HEMK2: variants seen among roughly 807,000 people sequenced by gnomAD.
The protein encoded by HEMK2 is HemK methyltransferase 2, ETF1 glutamine and histone H4 lysine, also known as methyltransferase HEMK2.
At chr21:28,794,219 C>T in the HEMK2 span, among the ~76,000 whole-genome samples, 1 of 152,112 alleles carries the variant, frequency 6.6e-6, no homozygotes, top group Non-Finnish European at 1.5e-5. Context: ...AGCATAAATA[C>T]TTCACTGTCT....
chr21:28,588,982 C>CAAAA, the HEMK2 span, among the ~76,000 whole-genome samples: 193 of 107,288 alleles, frequency 1.8e-3, 1 homozygote, highest in East Asian at 8.3e-3. Context: ...GACACTGTCT[C>CAAAA]AAAAAAAAAA....
the HEMK2 span, among the ~76,000 whole-genome samples, chr21:28,713,258 A>G: frequency 6.6e-6 from 1 of 152,066 alleles, no homozygotes; most frequent in Non-Finnish European, 1.5e-5. Flanking sequence ...GCCATCACCC[A>G]GTCACAGCCA....
chr21:28,785,685 G>C, the HEMK2 span, among the ~76,000 whole-genome samples: 1 of 152,086 alleles, frequency 6.6e-6, no homozygotes, highest in South Asian at 2.1e-4. Flanking sequence ...GGAGAATAAG[G>C]GGCATTAGAG....
the HEMK2 span, among the ~76,000 whole-genome samples, chr21:28,876,945 T>C: frequency 4.2e-5 from 6 of 143,352 alleles, no homozygotes; most frequent in African/African-American, 1.6e-4. Flanking sequence ...AAACCTTCCT[T>C]ATAAATAAAT....
At chr21:28,654,697 T>G in the HEMK2 span, among the ~76,000 whole-genome samples, 1 of 152,096 alleles carries the variant, frequency 6.6e-6, no homozygotes, top group Non-Finnish European at 1.5e-5. Context: ...CTGAAACAAG[T>G]CAATGAAATC....
chr21:28,792,709 T>C, the HEMK2 span, among the ~76,000 whole-genome samples: 4 of 152,212 alleles, frequency 2.6e-5, no homozygotes, highest in Non-Finnish European at 5.9e-5. Context: ...ATGCTCCGTC[T>C]TGCTTTCTAC....
chr21:28,657,560 T>C, the HEMK2 span, among the ~76,000 whole-genome samples: 1 of 151,992 alleles, frequency 6.6e-6, no homozygotes, highest in African/African-American at 2.4e-5. Context: ...AACAACACCA[T>C]GAAAATTGTA....
the HEMK2 span, among the ~76,000 whole-genome samples, chr21:28,776,989 T>A: frequency 3.9e-5 from 6 of 152,220 alleles, no homozygotes; most frequent in Non-Finnish European, 7.3e-5. Flanking sequence ...AACAATACTT[T>A]ATTCATTCTT....
the HEMK2 span, among the ~76,000 whole-genome samples, chr21:28,739,963 T>C: frequency 0.16 from 24,357 of 152,118 alleles, 2,215 homozygotes; most frequent in East Asian, 0.25. Context: ...ATCTGGAGGA[T>C]TTTTTCCTCT....
At chr21:28,760,225 T>G in the HEMK2 span, among the ~76,000 whole-genome samples, 4 of 152,234 alleles carry the variant, frequency 2.6e-5, no homozygotes, top group South Asian at 8.3e-4. Flanking sequence ...TTTTTGGTGA[T>G]CTCTGAAAGT....
At chr21:28,811,441 GACGC>G in the HEMK2 span, among the ~76,000 whole-genome samples, 2 of 137,490 alleles carry the variant, frequency 1.5e-5, no homozygotes, top group African/African-American at 5.3e-5. Flanking sequence ...GAGAGGGACG[GACGC>G]AGGGAGGGAG....
chr21:28,823,688 C>T, the HEMK2 span, among the ~76,000 whole-genome samples: 297 of 152,230 alleles, frequency 2.0e-3, 4 homozygotes, highest in African/African-American at 7.0e-3. Flanking sequence ...AACTGAGACA[C>T]AGATAAGTTA....
chr21:28,783,454 G>A, the HEMK2 span, among the ~76,000 whole-genome samples: 3 of 152,134 alleles, frequency 2.0e-5, no homozygotes, highest in Non-Finnish European at 4.4e-5. Flanking sequence ...CAAAGTGCTG[G>A]GATTACAGGC....
chr21:28,615,852 TA>T, the HEMK2 span, among the ~76,000 whole-genome samples: 3 of 152,218 alleles, frequency 2.0e-5, no homozygotes, highest in Non-Finnish European at 4.4e-5. Context: ...CTAGATGTTA[TA>T]CAGGAACTAG....
the HEMK2 span, among the ~76,000 whole-genome samples, chr21:28,792,186 G>A: frequency 0.018 from 2,690 of 152,080 alleles, 70 homozygotes; most frequent in African/African-American, 0.061. Context: ...GAAAACTCAC[G>A]AATAATCAAC....
the HEMK2 span, among the ~76,000 whole-genome samples, chr21:28,842,255 T>C: frequency 1.6e-4 from 24 of 152,170 alleles, no homozygotes; most frequent in Non-Finnish European, 2.8e-4. Context: ...TATTTATTCA[T>C]ATAAAATTAT....
the HEMK2 span, among the ~76,000 whole-genome samples, chr21:28,805,668 T>G: frequency 6.6e-6 from 1 of 152,172 alleles, no homozygotes; most frequent in East Asian, 1.9e-4. Context: ...TTAAAAGCTG[T>G]GCTTTTTTTT....
At chr21:28,671,743 T>C in the HEMK2 span, among the ~76,000 whole-genome samples, 2 of 152,180 alleles carry the variant, frequency 1.3e-5, no homozygotes, top group African/African-American at 4.8e-5. Context: ...ACACCCTTAG[T>C]CACTAGGAAG....
At chr21:28,693,778 A>C in the HEMK2 span, among the ~76,000 whole-genome samples, 4 of 152,150 alleles carry the variant, frequency 2.6e-5, no homozygotes, top group Non-Finnish European at 5.9e-5. Flanking sequence ...CACATTGGCA[A>C]TCTCATCTAG....
Sources: allele counts gnomAD v4.1 joint callset (sites outside exome capture counted in the v4.1 genomes callset), GRCh38; gene constraint gnomAD v4.1.1; transcripts MANE v1.5; gene names NCBI Gene and HGNC (gene_info 2026-07-23, HGNC 2026-07-21).